The following MRPS10 variants were observed in gnomAD, a reference collection of about 807,000 sequenced individuals.
MRPS10 encodes small ribosomal subunit protein uS10m.
Under a neutral mutation model 27.5 loss-of-function variants are expected in MRPS10, and 23 were observed. The ratio of observed to expected loss-of-function variants is 0.84; its 90% CI spans 0.60 to 1.18. MRPS10 has a LOEUF of 1.18. MRPS10 is among the 50% of genes most tolerant of loss of function. MRPS10 has a pLI of 0.00. For missense variants in MRPS10, 237 were observed against 240.1 expected (o/e 0.99, Z 0.09); for synonymous variants, 88 against 84.2 (o/e 1.04, Z -0.25).
At chr6:42,217,274 A>G (rs13201247) in intron 1 of MRPS10, among the ~76,000 whole-genome samples, 9,609 of 152,288 alleles carry the variant, frequency 0.063, 372 homozygotes, top group Admixed American at 0.12. Flanking sequence ...CCGAAAGTGT[A>G]AAGTGGTCCC....
chr6:42,215,866 T>C lies in MRPS10; in HGVS notation c.49-1522A>G, dbSNP rs531675819. Among the ~76,000 whole-genome samples the C allele has an allele frequency of 2.0e-5, 3 of 152,290 alleles. 1 individual carries two copies. The South Asian group carries it at 6.2e-4, about 32-fold the overall frequency. On this transcript the variant is annotated intron_variant, in intron 1 of 6. Transcript: ENST00000053468. ...GTACAACACAAAGTGGTAAGAGGTA[T>C]GTGCCATTCTTCAGACAAAATTGCA...
At chr6:42,209,619 A>C (rs1768715047) in intron 5 of MRPS10, among the ~76,000 whole-genome samples, 1 of 151,794 alleles carries the variant, frequency 6.6e-6, no homozygotes, top group South Asian at 2.1e-4. Flanking sequence ...GCGGTGGCGT[A>C]CACCTGTAGT....
In MRPS10 at chr6:42,217,825, C is replaced by G. The variant is rs146697340; in HGVS notation, c.25G>C (p.Ala9Pro). The G allele has an allele frequency of 5.6e-6, 9 of 1,614,144 alleles. No individual in the cohort carries two copies. Among genetic ancestry groups the G allele is most frequent in the East Asian group, 2.2e-5 (1 of 44,880 alleles). Reference protein sequence around the residue: MAARTAFGAVCRRLWQGLG... With the variant: MAARTAFGPVCRRLWQGLG... ...ACCTGCCAGAGGCGCCGGCACACAGCACCGAACGCTGTCCGCGCCGCCATC... is the reference window on the plus strand; with the variant it reads ...ACCTGCCAGAGGCGCCGGCACACAGGACCGAACGCTGTCCGCGCCGCCATC... The change falls in exon 1 of 7, where the codon GCT (alanine) becomes CCT (proline). Residue 9 changes from alanine to proline, a missense_variant. Physicochemically the swap from Ala to Pro is conservative, Grantham distance 27. Transcript: ENST00000053468.
intron 1 of MRPS10, 67 bp downstream of exon 1, chr6:42,217,728 AGCGGCTG>A: frequency 6.6e-7 from 1 of 1,508,284 alleles, no homozygotes. Context: ...TGATGGGCAG[AGCGGCTG>A]GTGGCAGGGA....
chr6:42,213,078 G>T (rs1768828039), intron 3 of MRPS10, among the ~76,000 whole-genome samples: 2 of 152,192 alleles, frequency 1.3e-5, no homozygotes, highest in African/African-American at 4.8e-5. Flanking sequence ...TGCCAATTCT[G>T]CCACCTTTTC....
chr6:42,217,777 C>G (rs1218131911), intron 1 of MRPS10, 25 bp downstream of exon 1: 2 of 1,613,334 alleles, frequency 1.2e-6, no homozygotes, highest in African/African-American at 1.3e-5. Flanking sequence ...GTCAGCCCTC[C>G]TAGTCTCCCT....
intron 3 of MRPS10, among the ~76,000 whole-genome samples, chr6:42,213,213 C>T (rs548514037): frequency 1.3e-5 from 2 of 152,214 alleles, no homozygotes; most frequent in Non-Finnish European, 2.9e-5. Flanking sequence ...CTTTGGGAGG[C>T]TGAGGCAGGC....
intron 1 of MRPS10, among the ~76,000 whole-genome samples, chr6:42,215,678 C>T (rs1768904605): frequency 6.6e-6 from 1 of 152,194 alleles, no homozygotes; most frequent in African/African-American, 2.4e-5. Flanking sequence ...CCTCCAGCCT[C>T]AGTGTCCCAA....
At chr6:42,208,798 C>T (rs542204303) in intron 6 of MRPS10, 60 bp downstream of exon 6, 2 of 1,195,800 alleles carry the variant, frequency 1.7e-6, no homozygotes, top group African/African-American at 1.6e-5. Context: ...TGTATCAAAA[C>T]AACAATACAG....
chr6:42,216,263 C>T (rs1768928626), intron 1 of MRPS10, among the ~76,000 whole-genome samples: 3 of 151,056 alleles, frequency 2.0e-5, no homozygotes, highest in Non-Finnish European at 4.4e-5. Flanking sequence ...ATCTCGTGAT[C>T]CGCCCACCTC....
chr6:42,213,811 A>C (rs975533710), intron 3 of MRPS10, among the ~76,000 whole-genome samples: 6 of 152,266 alleles, frequency 3.9e-5, no homozygotes, highest in African/African-American at 1.4e-4. Flanking sequence ...ATACTTTTCC[A>C]TAACATAAAT....
intron 1 of MRPS10, 24 bp downstream of exon 1, chr6:42,217,778 T>C: frequency 6.2e-7 from 1 of 1,613,442 alleles, no homozygotes; most frequent in Non-Finnish European, 8.5e-7. Context: ...TCAGCCCTCC[T>C]AGTCTCCCTA....
In MRPS10 at chr6:42,208,322, T is replaced by C; in HGVS notation, c.573A>G (p.Thr191=). The C allele has an allele frequency of 6.2e-7, 1 of 1,613,226 alleles. No homozygotes were observed. Residue 191 remains threonine (T), a synonymous_variant, in exon 7 of 7, where the codon ACA becomes ACG. Coordinates refer to ENST00000053468, the MANE Select transcript of MRPS10 (RefSeq NM_018141.4). ...PEHIKEPIWE[T]LSEEKEESKS ...TGCTTTCTTCTTTTTCTTCTGATAGTGTTTCCCAGATTGGCTCCTTGATGT... is the reference window on the plus strand; with the variant it reads ...TGCTTTCTTCTTTTTCTTCTGATAGCGTTTCCCAGATTGGCTCCTTGATGT...
rs549706075 is a variant in MRPS10, at chr6:42,210,709, C to G, written c.324-113G>C. 1.5e-4 allele frequency: 216 copies of G among 1,413,600 alleles called. 2 individuals carry two copies. The South Asian group carries it at 2.5e-3, about 16-fold the overall frequency. 87.6% of individuals were successfully genotyped at this position (1,413,600 alleles called of 1,614,324 possible). A position where few individuals can be genotyped will look rare whatever the true frequency, so the allele number is the denominator to read the frequency against. Reference sequence around the variant, plus strand: ...ATAGGCATTAACTACCATTTACAGACTTCCATTTGCCAAAACTGTCATCTG... The same window carrying G: ...ATAGGCATTAACTACCATTTACAGAGTTCCATTTGCCAAAACTGTCATCTG... On this transcript the variant is annotated intron_variant, in intron 4 of 6. Coordinates refer to ENST00000053468, the MANE Select transcript of MRPS10 (RefSeq NM_018141.4).
chr6:42,215,687 A>G (rs1768904835), intron 1 of MRPS10, among the ~76,000 whole-genome samples: 1 of 152,148 alleles, frequency 6.6e-6, no homozygotes, highest in Non-Finnish European at 1.5e-5. Context: ...TCAGTGTCCC[A>G]AAGTGCTGGG....
In MRPS10 at chr6:42,214,288, GC is replaced by G. The variant is rs1768860164; in HGVS notation, c.104del (p.Gly35AlafsTer8). 1.2e-6 allele frequency: 2 copies of G among 1,612,388 alleles called. No individual in the cohort carries two copies. Among genetic ancestry groups the G allele is most frequent in the Non-Finnish European group, 1.7e-6 (2 of 1,179,032 alleles). ...TSKGNTAKNG[G>X]LLLSTNMKWV... ...TCCAATTGTATACTTACAGAAGCAA[GC>G]CACCATTTTTGGCTGTATTGCCCTT... is the stretch of plus-strand genomic sequence containing the variant. On this transcript the variant is annotated frameshift_variant, in exon 2 of 7. Transcript: ENST00000053468. LOFTEE classifies it high-confidence loss of function.
Position 42,211,815 on chromosome 6 carries a change from G to A in MRPS10, c.289C>T (p.Leu97Phe). ...VLDSYEYFAV[L>F]AAKELGISIK... The stretch of plus-strand genomic sequence containing the variant: ...GAGATACCAAGTTCTTTAGCAGCAA[G>A]CACAGCAAAATATTCATAACTGTCC... The change falls in exon 4 of 7, where the codon CTT becomes TTT. Residue 97 changes from leucine to phenylalanine, a missense_variant. Coordinates refer to ENST00000053468, the MANE Select transcript of MRPS10 (RefSeq NM_018141.4). The A allele has an allele frequency of 6.2e-7, 1 of 1,613,796 alleles. No homozygotes were observed. Among genetic ancestry groups the A allele is most frequent in the Non-Finnish European group, 8.5e-7 (1 of 1,179,920 alleles).
chr6:42,210,720 C>A, intron 4 of MRPS10, 124 bp from the exon 5 acceptor site: 1 of 1,335,870 alleles, frequency 7.5e-7, no homozygotes, highest in Non-Finnish European at 1.0e-6. Flanking sequence ...TTCCATTTGC[C>A]AAAACTGTCA....
At position 42,208,045 on chromosome 6, in the gene MRPS10, TTCAG is replaced by T. The variant is rs1283391484; in HGVS notation, c.*240_*243del. ...AAATAGAATTTTCACTCTTTCTGCT[TTCAG>T]TCAAAGTGGTTTGCTCATGTTTGCT... On this transcript the variant is annotated 3_prime_UTR_variant, in exon 7 of 7. Coordinates refer to ENST00000053468, the MANE Select transcript of MRPS10 (RefSeq NM_018141.4). 3.5e-5 allele frequency: 17 copies of T among 487,576 alleles called. No individual in the cohort carries two copies. Among genetic ancestry groups the T allele is most frequent in the Admixed American group, 8.5e-5 (2 of 23,498 alleles). The allele number at this position is 487,576 out of a possible 1,614,324, so 30.2% of individuals were successfully genotyped here.
Sources: gnomAD v4.1 joint callset for allele counts (sites outside exome capture counted in the v4.1 genomes callset) on GRCh38, gnomAD v4.1.1 for gene constraint, MANE v1.5 for transcripts, NCBI Gene and HGNC (gene_info 2026-07-23, HGNC 2026-07-21) for gene names.